Variants in JADE3 observed in about 807,000 individuals in gnomAD.
JADE3 encodes the protein jade family PHD finger 3, also known as protein Jade-3.
In JADE3, 2 loss-of-function variants were observed where a neutral mutation model predicts 50.1. That is an observed-to-expected ratio of 0.04 (90% CI 0.02 to 0.13). The LOEUF is 0.13. Ranked by LOEUF, JADE3 falls within the 10% of genes least tolerant of loss-of-function variation. The pLI, the probability that JADE3 is intolerant of heterozygous loss-of-function variation, is 1.00. For synonymous variants in JADE3, 218 were observed against 232.9 expected (o/e 0.94, Z 0.58); for missense variants, 475 against 634.4 (o/e 0.75, Z 2.70).
chrX:46,998,419 G>C (rs1556358034), intron 4 of JADE3, 142 bp downstream of exon 4: 1 of 491,634 alleles, frequency 2.0e-6, no homozygotes, highest in Admixed American at 3.7e-5. Flanking sequence ...CAGACCAGTG[G>C]CAGATTTTAC....
chrX:47,047,503 C>T (rs781993391), intron 8 of JADE3, among the ~76,000 whole-genome samples: 1 of 108,302 alleles, frequency 9.2e-6, no homozygotes, highest in Non-Finnish European at 1.9e-5. Flanking sequence ...GAGCCGAGAT[C>T]GCACCATTGC....
chrX:46,930,912 A>C (rs1402046993), intron 1 of JADE3, among the ~76,000 whole-genome samples: 1 of 111,474 alleles, frequency 9.0e-6, no homozygotes, highest in Non-Finnish European at 1.9e-5. Context: ...CCATACCCTG[A>C]ACGCGCACTA....
At chrX:47,016,499 AG>A (rs782082051) in intron 4 of JADE3, among the ~76,000 whole-genome samples, 1 of 111,556 alleles carries the variant, frequency 9.0e-6, no homozygotes, top group East Asian at 2.8e-4. Flanking sequence ...AAGAAGTGGA[AG>A]GTGCTCATTT....
intron 6 of JADE3, among the ~76,000 whole-genome samples, chrX:47,028,813 G>T (rs1249321186): frequency 9.0e-6 from 1 of 111,172 alleles, no homozygotes; most frequent in Non-Finnish European, 1.9e-5. Context: ...TACTCAAGGT[G>T]CAGTGATGAA....
At chrX:46,960,191 G>A (rs1927224243) in intron 1 of JADE3, among the ~76,000 whole-genome samples, 1 of 108,691 alleles carries the variant, frequency 9.2e-6, no homozygotes, top group Non-Finnish European at 1.9e-5. Context: ...CCAGGTCTGG[G>A]CAGAATGTGT....
At chrX:47,020,259 A>G (rs1928766531) in intron 4 of JADE3, among the ~76,000 whole-genome samples, 1 of 110,036 alleles carries the variant, frequency 9.1e-6, no homozygotes, top group African/African-American at 3.3e-5. Context: ...TCAACCTGGT[A>G]GGCAGAGGTT....
At chrX:47,055,601 A>G (rs782099077) in intron 9 of JADE3, among the ~76,000 whole-genome samples, 1 of 112,142 alleles carries the variant, frequency 8.9e-6, no homozygotes, top group South Asian at 3.7e-4. Flanking sequence ...GAGAGAGAGT[A>G]TTTCACCTTT....
intron 1 of JADE3, among the ~76,000 whole-genome samples, chrX:46,954,611 G>C (rs1400179167): frequency 1.8e-5 from 2 of 111,444 alleles, no homozygotes; most frequent in South Asian, 7.6e-4. Flanking sequence ...CTGGAGTGCA[G>C]TGGTGCGATC....
At chrX:47,043,818 C>CAA (rs782062343) in intron 8 of JADE3, among the ~76,000 whole-genome samples, 3 of 48,847 alleles carry the variant, frequency 6.1e-5, no homozygotes, top group African/African-American at 1.5e-4. Context: ...GACTCTGTTT[C>CAA]AAAAAAAAAA....
chrX:46,994,686 G>A (rs1287221139), intron 3 of JADE3, among the ~76,000 whole-genome samples: 2 of 112,009 alleles, frequency 1.8e-5, no homozygotes, highest in Non-Finnish European at 1.9e-5. Flanking sequence ...TAACTGAGCT[G>A]TGAACTCATA....
intron 8 of JADE3, among the ~76,000 whole-genome samples, chrX:47,048,642 A>C (rs1034943522): frequency 1.8e-5 from 2 of 112,126 alleles, no homozygotes; most frequent in African/African-American, 3.2e-5. Context: ...ACATCAATAG[A>C]GACAGAAAGT....
chrX:47,040,689 A>G (rs1929237508), intron 8 of JADE3, among the ~76,000 whole-genome samples: 1 of 112,096 alleles, frequency 8.9e-6, no homozygotes, highest in Admixed American at 9.5e-5. Context: ...TATCTTTCAC[A>G]AAACTGGTCC....
At chrX:47,002,846 G>A (rs1556359435) in intron 4 of JADE3, among the ~76,000 whole-genome samples, 1 of 111,425 alleles carries the variant, frequency 9.0e-6, no homozygotes, top group African/African-American at 3.3e-5. Flanking sequence ...AAATAGCAGT[G>A]GAGAGAGCAG....
At chrX:46,914,813 G>C (rs1454168149) in intron 1 of JADE3, among the ~76,000 whole-genome samples, 6 of 111,711 alleles carry the variant, frequency 5.4e-5, no homozygotes, top group African/African-American at 2.0e-4. Context: ...TCTGGTCATA[G>C]GTAGAAAAAA....
intron 3 of JADE3, among the ~76,000 whole-genome samples, chrX:46,997,164 T>C (rs1928149321): frequency 9.0e-6 from 1 of 111,590 alleles, no homozygotes; most frequent in East Asian, 2.8e-4. Context: ...GATAGTAGTT[T>C]AGCAAATTGG....
intron 1 of JADE3, among the ~76,000 whole-genome samples, chrX:46,974,551 A>G (rs1236439272): frequency 8.9e-6 from 1 of 112,186 alleles, no homozygotes; most frequent in Non-Finnish European, 1.9e-5. Context: ...CTGAAAGCCT[A>G]AGGGAGCTAG....
chrX:46,944,690 A>G (rs1926842571), intron 1 of JADE3, among the ~76,000 whole-genome samples: 1 of 110,954 alleles, frequency 9.0e-6, no homozygotes, highest in South Asian at 3.8e-4. Context: ...AGATTTTGGT[A>G]TACCGTGTCT....
chrX:46,995,321 G>A (rs782743651), intron 3 of JADE3, among the ~76,000 whole-genome samples: 1 of 111,203 alleles, frequency 9.0e-6, no homozygotes, highest in East Asian at 2.8e-4. Flanking sequence ...GAGCCACCAC[G>A]CCTGGCCTAA....
At chrX:46,913,553 G>A (rs782746597) in intron 1 of JADE3, among the ~76,000 whole-genome samples, 1 of 111,130 alleles carries the variant, frequency 9.0e-6, no homozygotes, top group Admixed American at 9.4e-5. Context: ...GCCGTAGTTT[G>A]TTTTTTTGTT....
Sources: gnomAD v4.1 joint callset for allele counts (sites outside exome capture counted in the v4.1 genomes callset) on GRCh38, gnomAD v4.1.1 for gene constraint, MANE v1.5 for transcripts, NCBI Gene and HGNC (gene_info 2026-07-23, HGNC 2026-07-21) for gene names.